Variants in RDH8 observed in about 807,000 individuals in gnomAD.
RDH8 encodes the protein retinol dehydrogenase 8, also known as photoreceptor outer segment all-trans retinol dehydrogenase.
RDH8 carries 14 observed loss-of-function variants against 22.3 expected under a neutral mutation model. The ratio of observed to expected loss-of-function variants is 0.63; its 90% CI spans 0.42 to 0.98. The LOEUF is 0.98. Ranked by LOEUF, RDH8 falls within the 50% of genes least tolerant of loss-of-function variation. The probability of loss-of-function intolerance (pLI) is 0.00; values close to 1 mark genes in which losing one functional copy is unlikely to be tolerated. For missense variants in RDH8, 389 were observed against 409.8 expected, an observed-to-expected ratio of 0.95 and a Z score of 0.44; for synonymous variants, 175 against 171.7, an observed-to-expected ratio of 1.02 and a Z score of -0.15.
At position 10,021,609 on chromosome 19, in the gene RDH8, A is replaced by T; in HGVS notation, c.796A>T (p.Thr266Ser). Residue 266 changes from threonine to serine, a missense_variant, in exon 6 of 6, where the codon ACG becomes TCG. Physicochemically the swap from Thr to Ser is moderately conservative, Grantham distance 58. Coordinates refer to ENST00000591589, the MANE Select transcript of RDH8 (RefSeq NM_015725.4). The stretch of plus-strand genomic sequence containing the variant: ...CAACATCCGCTACTCGCCGCTGACC[A>T]CGCTCAAAACCGTGGATTCCTCTGG... The part of the protein sequence containing the change: ...QTNIRYSPLT[T>S]LKTVDSSGSL... 1.2e-6 allele frequency: 2 copies of T among 1,613,560 alleles called. No individual in the cohort carries two copies. The highest frequency in any genetic ancestry group is 1.7e-6 in the Non-Finnish European group (2 of 1,179,554).
rs757302315 is a variant in RDH8 at position 10,020,775 on chromosome 19, C to T, written c.509C>T (p.Ala170Val). ...CTGGAGGGATTCTTCGAAAGCCTCG[C>T]TATCCAGCTGCTGCAGTTCAACATC... Reference protein sequence around the residue: ...FALEGFFESLAIQLLQFNIFI... With the variant: ...FALEGFFESLVIQLLQFNIFI... Residue 170 changes from alanine (A) to valine (V), a missense_variant, in exon 4 of 6, where the codon GCT becomes GTT. By Grantham distance (64) the Ala-to-Val change is moderately conservative (BLOSUM62 0). Coordinates refer to ENST00000591589, the MANE Select transcript of RDH8 (RefSeq NM_015725.4). 3.1e-6 allele frequency: 5 copies of T among 1,610,100 alleles called. No homozygotes were observed. The African/African-American group carries it at 5.3e-5, about 17-fold the overall frequency.
intron 1 of RDH8, among the ~76,000 whole-genome samples, chr19:10,014,034 C>T: frequency 6.6e-6 from 1 of 152,154 alleles, no homozygotes; most frequent in East Asian, 1.9e-4. Context: ...TCTTCCACGT[C>T]TCCCCAGATT....
At chr19:10,016,934 G>C (rs116143377) in intron 1 of RDH8, 123 bp from the exon 2 acceptor site, 1 of 1,016,570 alleles carries the variant, frequency 9.8e-7, no homozygotes, top group Non-Finnish European at 1.4e-6. Flanking sequence ...GATAAATGTA[G>C]GTGTGTAAAC....
intron 1 of RDH8, 127 bp downstream of exon 1, chr19:10,013,727 C>T (rs1377161115): frequency 3.5e-6 from 3 of 868,120 alleles, no homozygotes; most frequent in Admixed American, 4.7e-5. Flanking sequence ...CTCCAGGAAT[C>T]ATCCCCTCAT....
chr19:10,017,127 G>A lies in RDH8; in HGVS notation c.174G>A (p.Gln58=), dbSNP rs762128512. ...CAGCTGCTGGGGAGGCTCTGGGGCA[G>A]ACCCTCACCGTGGCCCAGCTGGACG... ...LEAAAGEALG[Q]TLTVAQLDVC... Residue 58 remains glutamine (Q), a synonymous_variant, in exon 2 of 6, where the codon CAG becomes CAA. Coordinates refer to ENST00000591589, the MANE Select transcript of RDH8 (RefSeq NM_015725.4). 81 of 1,611,438 alleles carry A rather than the reference G, an allele frequency of 5.0e-5. No homozygotes were observed. Among genetic ancestry groups the A allele is most frequent in the Non-Finnish European group, 6.3e-5 (74 of 1,178,396 alleles).
chr19:10,020,644 C>A, intron 3 of RDH8, 65 bp from the exon 4 acceptor site: 2 of 1,018,616 alleles, frequency 2.0e-6, no homozygotes, highest in South Asian at 1.3e-5. Context: ...GACCCCATCA[C>A]CCTGGAACCC....
At chr19:10,020,350 G>C (rs1235337213) in intron 3 of RDH8, among the ~76,000 whole-genome samples, 2 of 141,062 alleles carry the variant, frequency 1.4e-5, no homozygotes, top group African/African-American at 2.6e-5. Context: ...AGGAGGGAGG[G>C]AGGGAGGGAG....
At chr19:10,019,330 C>T (rs536671401) in intron 3 of RDH8, among the ~76,000 whole-genome samples, 1 of 151,842 alleles carries the variant, frequency 6.6e-6, no homozygotes, top group South Asian at 2.1e-4. Context: ...AATAAATTAG[C>T]CTGGAGAATT....
At chr19:10,021,490 G>A in intron 5 of RDH8, 44 bp from the exon 6 acceptor site, 4 of 1,613,886 alleles carry the variant, frequency 2.5e-6, no homozygotes, top group Non-Finnish European at 2.5e-6. Context: ...GTTGCGGGGT[G>A]AGGCCCTCCC....
rs373889263 is a variant in RDH8, at chr19:10,017,109, T to A, written c.156T>A (p.Ala52=). The change falls in exon 2 of 6, where the codon GCT becomes GCA. Residue 52 remains alanine, a synonymous_variant. Transcript: ENST00000591589. Reference sequence around the variant, plus strand: ...AGAAGGAGACACTGGAGGCAGCTGCTGGGGAGGCTCTGGGGCAGACCCTCA... The same window carrying A: ...AGAAGGAGACACTGGAGGCAGCTGCAGGGGAGGCTCTGGGGCAGACCCTCA... ...LGKKETLEAA[A]GEALGQTLTV... 5.7e-4 allele frequency: 914 copies of A among 1,606,490 alleles called. 1 individual carries two copies. Among genetic ancestry groups the A allele is most frequent in the Non-Finnish European group, 7.0e-4 (826 of 1,175,070 alleles).
At chr19:10,020,881 A>G (rs1297548030) in intron 4 of RDH8, 79 bp downstream of exon 4, 1 of 1,064,646 alleles carries the variant, frequency 9.4e-7, no homozygotes, top group South Asian at 1.3e-5. Flanking sequence ...GGAGAGATGA[A>G]GACAATGAAG....
At chr19:10,021,468 T>C in intron 5 of RDH8, 30 bp downstream of exon 5, 1 of 1,613,876 alleles carries the variant, frequency 6.2e-7, no homozygotes, top group East Asian at 2.2e-5. Flanking sequence ...CCCCAAGACG[T>C]GGCTCAGGTA....
At chr19:10,020,929 TGA>T in intron 4 of RDH8, 127 bp downstream of exon 4, 1 of 731,130 alleles carries the variant, frequency 1.4e-6, no homozygotes, top group Non-Finnish European at 2.3e-6. Flanking sequence ...TCCAGCGTTT[TGA>T]GAGGCTGAAA....
At position 10,017,173 on chromosome 19, in the gene RDH8, G is replaced by A; in HGVS notation, c.220G>A (p.Ala74Thr). ...GGACGTGTGCAGTGATGAGTCGGTG[G>A]CCCAGTGTCTCAGCTGTATCCAGGG... Reference protein sequence around the residue: ...QLDVCSDESVAQCLSCIQGEV... With the variant: ...QLDVCSDESVTQCLSCIQGEV... The change falls in exon 2 of 6, where the codon GCC (alanine) becomes ACC (threonine). Residue 74 changes from alanine to threonine, a missense_variant. Ala to Thr is a moderately conservative substitution (Grantham distance 58, BLOSUM62 0). Transcript: ENST00000591589. 1 of 1,608,908 alleles carries A rather than the reference G, an allele frequency of 6.2e-7. No individual in the cohort carries two copies. Among genetic ancestry groups the A allele is most frequent in the Non-Finnish European group, 8.5e-7 (1 of 1,176,744 alleles).
chr19:10,021,899 G>A lies in RDH8; in HGVS notation c.*150G>A. ...CTAGACATGGCTAGAATCCCAGAAGGGCCTTTATTTTCAGGCATAGACTCC... is the reference window on the plus strand; with the variant it reads ...CTAGACATGGCTAGAATCCCAGAAGAGCCTTTATTTTCAGGCATAGACTCC... On this transcript the variant is annotated 3_prime_UTR_variant, in exon 6 of 6. Transcript: ENST00000591589. The A allele has an allele frequency of 2.4e-6, 2 of 839,300 alleles. No homozygotes were observed. The highest frequency in any genetic ancestry group is 1.8e-6 in the Non-Finnish European group (1 of 549,214). 52.0% of individuals were successfully genotyped at this position (839,300 alleles called of 1,614,324 possible).
chr19:10,021,190 A>T (rs2016307), intron 4 of RDH8, 65 bp from the exon 5 acceptor site: 583,817 of 1,433,516 alleles, frequency 0.41, 105,233 homozygotes, highest in African/African-American at 0.59. Flanking sequence ...AAAAAAAAAA[A>T]TGGACAAAAT....
Position 10,021,649 on chromosome 19 carries a change from G to A in RDH8, c.836G>A (p.Arg279Gln), listed in dbSNP as rs752805974. The change falls in exon 6 of 6, where the codon CGA (arginine) becomes CAA (glutamine). Residue 279 changes from arginine (R) to glutamine (Q), a missense_variant. Coordinates refer to ENST00000591589, the MANE Select transcript of RDH8 (RefSeq NM_015725.4). ...GATTCCTCTGGCAGCCTGTATGTGC[G>A]AACGACCCACCGCCTCCTCTTCCGC... Reference protein sequence around the residue: ...TVDSSGSLYVRTTHRLLFRCP... With the variant: ...TVDSSGSLYVQTTHRLLFRCP... 11 of 1,613,698 alleles carry A rather than the reference G, an allele frequency of 6.8e-6. No individual in the cohort carries two copies. Among genetic ancestry groups the A allele is most frequent in the South Asian group, 3.3e-5 (3 of 91,042 alleles).
chr19:10,022,138 A>AC lies in RDH8; in HGVS notation c.*395dup, dbSNP rs2087668104. ...AGAACACAGGAATGATTCATAGCCC[A>AC]CCCCCCACCTCCATGCATACACCAG... is the stretch of plus-strand genomic sequence containing the variant. On this transcript the variant is annotated 3_prime_UTR_variant, in exon 6 of 6. Coordinates refer to ENST00000591589, the MANE Select transcript of RDH8 (RefSeq NM_015725.4). The AC allele has an allele frequency of 9.1e-6, 2 of 219,892 alleles. No homozygotes were observed. The highest frequency in any genetic ancestry group is 1.9e-3 in the Middle Eastern group (1 of 528). The allele number at this position is 219,892 out of a possible 1,614,324, so 13.6% of individuals were successfully genotyped here.
chr19:10,016,435 G>A (rs960957891), intron 1 of RDH8, among the ~76,000 whole-genome samples: 5 of 149,530 alleles, frequency 3.3e-5, no homozygotes, highest in Admixed American at 6.7e-5. Context: ...GATTACAGGC[G>A]TGAGCCACCG....
Sources: allele counts gnomAD v4.1 joint callset (sites outside exome capture counted in the v4.1 genomes callset), GRCh38; gene constraint gnomAD v4.1.1; transcripts MANE v1.5; gene names NCBI Gene and HGNC (gene_info 2026-07-23, HGNC 2026-07-21).